CFAP221: variants seen among roughly 807,000 people sequenced by gnomAD.
CFAP221 encodes cilia and flagella associated protein 221, also known as cilia- and flagella-associated protein 221.
Under a neutral mutation model 113.1 loss-of-function variants are expected in CFAP221, and 97 were observed. The ratio of observed to expected loss-of-function variants is 0.86; its 90% confidence interval spans 0.73 to 1.02. The LOEUF is 1.02. Ranked by LOEUF, CFAP221 falls within the 50% of genes least tolerant of loss-of-function variation. CFAP221 has a pLI of 0.00. For synonymous variants in CFAP221, 331 were observed against 354.4 expected, an observed-to-expected ratio of 0.93 and a Z score of 0.74; for missense variants, 1,025 against 1,013.4, an observed-to-expected ratio of 1.01 and a Z score of -0.16.
intron 14 of CFAP221, among the ~76,000 whole-genome samples, chr2:119,622,499 T>G (rs979584855): frequency 6.6e-6 from 1 of 152,098 alleles, no homozygotes; most frequent in African/African-American, 2.4e-5. Context: ...AAAGAGGGAC[T>G]CCTCCCTAAC....
intron 23 of CFAP221, among the ~76,000 whole-genome samples, chr2:119,655,311 C>A (rs542015358): frequency 2.0e-5 from 3 of 152,122 alleles, no homozygotes; most frequent in African/African-American, 7.2e-5. Flanking sequence ...CATTTTTCAG[C>A]ACTCCTTAGA....
At chr2:119,653,811 A>G (rs1574246523) in intron 23 of CFAP221, among the ~76,000 whole-genome samples, 1 of 152,188 alleles carries the variant, frequency 6.6e-6, no homozygotes, top group Admixed American at 6.5e-5. Context: ...GAATAGTGTC[A>G]TCTTTTTTTT....
chr2:119,636,752 A>C lies in CFAP221; in HGVS notation c.1975-1507A>C, dbSNP rs550047423. ...CTCACAAATCCTTGCAGCCGAGGTGAGTCGCTACCACATGCATGCGTTAGT... is the reference window on the plus strand; with the variant it reads ...CTCACAAATCCTTGCAGCCGAGGTGCGTCGCTACCACATGCATGCGTTAGT... On this transcript the variant is annotated intron_variant, in intron 19 of 23. Coordinates refer to ENST00000413369, the MANE Select transcript of CFAP221 (RefSeq NM_001271049.2). 3.9e-5 allele frequency among the ~76,000 whole-genome samples: 6 copies of C among 152,334 alleles called. 1 individual carries two copies. Among genetic ancestry groups the C allele is most frequent in the African/African-American group, 1.4e-4 (6 of 41,572 alleles).
intron 6 of CFAP221, chr2:119,572,760 TA>T: frequency 1.8e-6 from 1 of 548,218 alleles, no homozygotes; most frequent in Non-Finnish European, 3.3e-6. Context: ...GAAGATCTGG[TA>T]AAATGATGCC....
At chr2:119,610,478 T>C (rs1685073236) in intron 12 of CFAP221, among the ~76,000 whole-genome samples, 1 of 152,176 alleles carries the variant, frequency 6.6e-6, no homozygotes, top group Non-Finnish European at 1.5e-5. Flanking sequence ...AGTGTCTTAA[T>C]AAAGATATAA....
At position 119,656,573 on chromosome 2, in the gene CFAP221, T is replaced by A; in HGVS notation, c.*103T>A. On this transcript the variant is annotated 3_prime_UTR_variant, in exon 24 of 24. Transcript: ENST00000413369. ...CATCTCTGCAATTAAAGTTTCTGGA[T>A]AAAAAAATGAAATGTAGAGGATGTA... 1 of 727,414 alleles carries A rather than the reference T, an allele frequency of 1.4e-6. No homozygotes were observed. The allele number at this position is 727,414 out of a possible 1,614,324, so 45.1% of individuals were successfully genotyped here. A position where few individuals can be genotyped will look rare whatever the true frequency, so the allele number is the denominator to read the frequency against.
intron 14 of CFAP221, among the ~76,000 whole-genome samples, chr2:119,622,253 A>G (rs187638140): frequency 2.6e-5 from 4 of 152,356 alleles, no homozygotes; most frequent in Admixed American, 2.6e-4. Context: ...ATGCAAATAA[A>G]CTAGAAAATC....
At position 119,625,696 on chromosome 2, in the gene CFAP221, A is replaced by AC. The variant is rs763846573; in HGVS notation, c.1516+8_1516+9insC. ...AACAATCGATAGCACAAGGTGAAGTATGGCTGCAAAGCACAGAGATGCCGA... is the reference window on the plus strand; with the variant it reads ...AACAATCGATAGCACAAGGTGAAGTACTGGCTGCAAAGCACAGAGATGCCGA... On this transcript the variant is annotated intron_variant, in intron 15 of 23. Transcript: ENST00000413369. 2 of 1,589,880 alleles carry AC rather than the reference A, an allele frequency of 1.3e-6. No individual in the cohort carries two copies. The highest frequency in any genetic ancestry group is 4.5e-5 in the East Asian group (2 of 44,724).
At position 119,619,329 on chromosome 2, in the gene CFAP221, C is replaced by T. The variant is rs146273792; in HGVS notation, c.1410+3620C>T. 1.7e-3 allele frequency among the ~76,000 whole-genome samples: 263 copies of T among 152,278 alleles called. 1 individual carries two copies. Among genetic ancestry groups the T allele is most frequent in the African/African-American group, 5.7e-3 (235 of 41,566 alleles). On this transcript the variant is annotated intron_variant, in intron 14 of 23. Coordinates refer to ENST00000413369, the MANE Select transcript of CFAP221 (RefSeq NM_001271049.2). ...AGCAGGGGTCTACAAATACCTCATA[C>T]GGGAGAGCTCCAGCTGGCATCTGGT... is the stretch of plus-strand genomic sequence containing the variant.
In CFAP221 at chr2:119,629,424, A is replaced by G. The variant is rs117886322; in HGVS notation, c.1651-451A>G. ...TCTGAGGCTGGCACAGGGTGAGAGGACACAGCATGTTTCCCGTGGCTTCAA... is the reference window on the plus strand; with the variant it reads ...TCTGAGGCTGGCACAGGGTGAGAGGGCACAGCATGTTTCCCGTGGCTTCAA... On this transcript the variant is annotated intron_variant, in intron 16 of 23. Coordinates refer to ENST00000413369, the MANE Select transcript of CFAP221 (RefSeq NM_001271049.2). 3.9e-5 allele frequency among the ~76,000 whole-genome samples: 6 copies of G among 152,318 alleles called. No individual in the cohort carries two copies. In the East Asian group the frequency reaches 1.2e-3, roughly 29 times the overall value.
chr2:119,650,635 G>T (rs1018672863), intron 22 of CFAP221, among the ~76,000 whole-genome samples: 1 of 152,220 alleles, frequency 6.6e-6, no homozygotes, highest in Non-Finnish European at 1.5e-5. Context: ...AGCATTAAAT[G>T]TGTGCCAGGG....
chr2:119,586,973 G>A (rs1013415338), intron 6 of CFAP221, 146 bp from the exon 7 acceptor site: 6 of 541,800 alleles, frequency 1.1e-5, no homozygotes, highest in Non-Finnish European at 1.9e-5. Context: ...AATGCATGGG[G>A]TTACTCCTGG....
Position 119,654,074 on chromosome 2 carries a change from C to A in CFAP221, c.2414+2005C>A, listed in dbSNP as rs557243489. On this transcript the variant is annotated intron_variant, in intron 23 of 23. Transcript: ENST00000413369. ...TTGTCGTCTACTTTGTTGTGGGGGG[C>A]CTGCCTTTTCTGAAAGGAATGCTCA... Among the ~76,000 whole-genome samples, 3 of 152,124 alleles carry A rather than the reference C, an allele frequency of 2.0e-5. No homozygotes were observed. The East Asian group carries it at 5.8e-4, about 29-fold the overall frequency.
At chr2:119,628,194 A>C (rs1686478769) in intron 16 of CFAP221, among the ~76,000 whole-genome samples, 1 of 152,032 alleles carries the variant, frequency 6.6e-6, no homozygotes, top group Non-Finnish European at 1.5e-5. Context: ...GCAGCCCTCA[A>C]GTCTGGGCCT....
At chr2:119,627,550 C>A in intron 15 of CFAP221, 103 bp from the exon 16 acceptor site, 4 of 1,010,542 alleles carry the variant, frequency 4.0e-6, no homozygotes, top group Non-Finnish European at 5.9e-6. Flanking sequence ...TATATACACA[C>A]CCACCCACTA....
chr2:119,658,621 A>ACG (rs372921598), downstream of CFAP221, among the ~76,000 whole-genome samples: 3,353 of 141,668 alleles, frequency 0.024, 125 homozygotes, highest in African/African-American at 0.082. Context: ...CTCAACACGC[A>ACG]CACACACACA....
rs531355774 is a variant in CFAP221, at chr2:119,576,489, G to A, written c.528-10630G>A. 8.5e-5 allele frequency among the ~76,000 whole-genome samples: 13 copies of A among 152,276 alleles called. 2 individuals are homozygous for A. In the South Asian group the frequency reaches 1.9e-3, roughly 22 times the overall value. ...CTGTTTCTGCATTAGTTTGCTATTT[G>A]ATTCCCTTTACCTCTAATATTGGTC... On this transcript the variant is annotated intron_variant, in intron 6 of 23. Coordinates refer to ENST00000413369, the MANE Select transcript of CFAP221 (RefSeq NM_001271049.2).
chr2:119,587,088 AT>A (rs1389316474), intron 6 of CFAP221, 30 bp from the exon 7 acceptor site: 7 of 1,428,996 alleles, frequency 4.9e-6, no homozygotes, highest in Admixed American at 2.4e-5. Context: ...GAAAAATAAT[AT>A]TTTTATTTTC....
intron 19 of CFAP221, among the ~76,000 whole-genome samples, chr2:119,635,509 G>A (rs745997220): frequency 6.6e-6 from 1 of 152,150 alleles, no homozygotes; most frequent in Non-Finnish European, 1.5e-5. Flanking sequence ...CTGTGGATGG[G>A]TTGGGTGGAT....
Sources: gnomAD v4.1 joint callset for allele counts (sites outside exome capture counted in the v4.1 genomes callset) on GRCh38, gnomAD v4.1.1 for gene constraint, MANE v1.5 for transcripts, NCBI Gene and HGNC (gene_info 2026-07-23, HGNC 2026-07-21) for gene names.